The following CHRNB3 variants were observed in gnomAD, a reference collection of about 807,000 sequenced individuals.
CHRNB3 encodes the protein cholinergic receptor nicotinic beta 3 subunit.
A neutral mutation model predicts 40.6 loss-of-function variants in CHRNB3; 37 were observed. That is an observed-to-expected ratio of 0.91 (90% CI 0.70 to 1.20). CHRNB3 has a LOEUF of 1.20. Among genes scored for constraint, CHRNB3 ranks in the 50% most tolerant of loss-of-function variants. The pLI is 0.00. For missense variants in CHRNB3, 505 were observed against 551.2 expected, an observed-to-expected ratio of 0.92 and a Z score of 0.84; for synonymous variants, 207 against 207.1, an observed-to-expected ratio of 1.00 and a Z score of 0.00.
At position 42,697,420 on chromosome 8, in the gene CHRNB3, GT is replaced by G; in HGVS notation, c.-125del. ...GAGATTGTTTTATTCCACTCCAGGT[GT>G]TGCTGTCCTCTTGGGTTCCACTTCG... On this transcript the variant is annotated 5_prime_UTR_variant, in exon 1 of 6. Coordinates refer to ENST00000289957, the MANE Select transcript of CHRNB3 (RefSeq NM_000749.5). 1.4e-6 allele frequency: 1 copy of G among 734,180 alleles called. No individual in the cohort carries two copies. Among genetic ancestry groups the G allele is most frequent in the Admixed American group, 2.0e-5 (1 of 50,314 alleles). The allele number at this position is 734,180 out of a possible 1,614,324, so 45.5% of individuals were successfully genotyped here. A position where few individuals can be genotyped will look rare whatever the true frequency, so the allele number is the denominator to read the frequency against.
rs1815994462 is a variant in CHRNB3 at position 42,710,389 on chromosome 8, G to A, written c.205-1G>A. The A allele has an allele frequency of 6.2e-7, 1 of 1,600,284 alleles. No homozygotes were observed. The highest frequency in any genetic ancestry group is 8.5e-7 in the Non-Finnish European group (1 of 1,172,554). On this transcript the variant is annotated splice_acceptor_variant, in intron 2 of 5. Transcript: ENST00000289957. LOFTEE classifies it high-confidence loss of function. ...TATTTTTTAAATTTTCATTTTCTTA[G>A]GATGAAAAGAATCAGCTGATGACAA...
intron 3 of CHRNB3, chr8:42,721,867 C>A (rs1816223218): frequency 6.6e-6 from 1 of 152,146 alleles, no homozygotes; most frequent in East Asian, 1.9e-4. Flanking sequence ...GCCTGTTGTC[C>A]CTGAAAATCA....
intron 3 of CHRNB3, among the ~76,000 whole-genome samples, chr8:42,716,133 G>A (rs182033571): frequency 0.057 from 8,636 of 151,912 alleles, 325 homozygotes; most frequent in Middle Eastern, 0.11. Context: ...CGGCCACCAT[G>A]CCCAGCTAAT....
intron 3 of CHRNB3, among the ~76,000 whole-genome samples, chr8:42,727,449 C>T (rs7832104): frequency 0.057 from 8,671 of 151,622 alleles, 327 homozygotes; most frequent in Middle Eastern, 0.11. Flanking sequence ...CAGAATGGAC[C>T]CATGCACATA....
In CHRNB3 at chr8:42,697,407, T is replaced by C. The variant is rs2128903516; in HGVS notation, c.-140T>C. The C allele has an allele frequency of 1.5e-6, 1 of 669,186 alleles. No individual in the cohort carries two copies. The highest frequency in any genetic ancestry group is 1.8e-5 in the South Asian group (1 of 56,692). 41.5% of individuals were successfully genotyped at this position (669,186 alleles called of 1,614,324 possible). On this transcript the variant is annotated 5_prime_UTR_variant, in exon 1 of 6. Coordinates refer to ENST00000289957, the MANE Select transcript of CHRNB3 (RefSeq NM_000749.5). ...GGCGAGAGGGGTTGAGATTGTTTTA[T>C]TCCACTCCAGGTGTTGCTGTCCTCT...
chr8:42,715,670 T>G (rs1290092761), intron 3 of CHRNB3, among the ~76,000 whole-genome samples: 1 of 152,138 alleles, frequency 6.6e-6, no homozygotes, highest in Admixed American at 6.5e-5. Context: ...ATTTAGACAC[T>G]CTTCTTCTAT....
At chr8:42,729,032 C>A (rs960638521) in intron 3 of CHRNB3, among the ~76,000 whole-genome samples, 2 of 151,948 alleles carry the variant, frequency 1.3e-5, no homozygotes, top group Non-Finnish European at 2.9e-5. Flanking sequence ...AAAGAGAAGC[C>A]CATGAGCACC....
intron 1 of CHRNB3, among the ~76,000 whole-genome samples, chr8:42,698,351 C>T (rs989618422): frequency 6.6e-6 from 1 of 152,120 alleles, no homozygotes; most frequent in African/African-American, 2.4e-5. Flanking sequence ...AAAGTTTTCC[C>T]CCATTGAATC....
At chr8:42,697,766 T>G (rs535993544) in intron 1 of CHRNB3, among the ~76,000 whole-genome samples, 168 bp downstream of exon 1, 48 of 152,146 alleles carry the variant, frequency 3.2e-4, no homozygotes, top group African/African-American at 1.1e-3. Flanking sequence ...AGATGTGGGG[T>G]TTTTTTTGCT....
In CHRNB3 at chr8:42,736,540, C is replaced by G. The variant is rs1816527065; in HGVS notation, c.1299C>G (p.Leu433=). The G allele has an allele frequency of 6.2e-7, 1 of 1,614,198 alleles. No homozygotes were observed. Among genetic ancestry groups the G allele is most frequent in the East Asian group, 2.2e-5 (1 of 44,886 alleles). The part of the protein sequence containing the change: ...AQVLDRIFLW[L]FLIVSVTGSV... ...TTCTTGACCGAATCTTCCTGTGGCT[C>G]TTTCTGATAGTGTCAGTAACAGGCT... The change falls in exon 6 of 6, where the codon CTC becomes CTG. Residue 433 remains leucine, a synonymous_variant. Transcript: ENST00000289957.
chr8:42,708,685 T>C (rs768855751), intron 1 of CHRNB3, 32 bp from the exon 2 acceptor site: 4 of 1,609,808 alleles, frequency 2.5e-6, no homozygotes, highest in Non-Finnish European at 3.4e-6. Flanking sequence ...GCCCCTCCCA[T>C]TAACCCAGGT....
chr8:42,732,115 T>A lies in CHRNB3; in HGVS notation c.808T>A (p.Ser270Thr), dbSNP rs372103005. Residue 270 changes from serine (S) to threonine (T), a missense_variant, in exon 5 of 6, where the codon TCG becomes ACG. Transcript: ENST00000289957. ...AGGAGAAAAACTTTCATTATCCACA[T>A]CGGTCTTGGTTTCTCTGACAGTTTT... ...DEGEKLSLSTSVLVSLTVFLL... is the reference protein window; with the variant it reads ...DEGEKLSLSTTVLVSLTVFLL... 14 of 1,613,820 alleles carry A rather than the reference T, an allele frequency of 8.7e-6. No homozygotes were observed. Among genetic ancestry groups the A allele is most frequent in the African/African-American group, 2.7e-5 (2 of 74,866 alleles).
chr8:42,736,620 A>G lies in CHRNB3; in HGVS notation c.*2A>G. On this transcript the variant is annotated 3_prime_UTR_variant, in exon 6 of 6. Transcript: ENST00000289957. ...ATGTGGCTACATAGTTACCATTAGG[A>G]ATTTAAAAGACATAAGACTAAATTA... The G allele has an allele frequency of 6.2e-7, 1 of 1,614,164 alleles. No individual in the cohort carries two copies. The highest frequency in any genetic ancestry group is 1.7e-5 in the Admixed American group (1 of 60,020).
intron 3 of CHRNB3, among the ~76,000 whole-genome samples, chr8:42,729,689 G>C (rs1434357720): frequency 6.6e-6 from 1 of 152,068 alleles, no homozygotes. Flanking sequence ...GTCATGCTGG[G>C]CATGCCCTTC....
At chr8:42,713,741 A>C (rs1275585603) in intron 3 of CHRNB3, among the ~76,000 whole-genome samples, 1 of 152,216 alleles carries the variant, frequency 6.6e-6, no homozygotes, top group Non-Finnish European at 1.5e-5. Context: ...TTTAATTCAC[A>C]AATGCATAAA....
Position 42,736,619 on chromosome 8 carries a change from G to A in CHRNB3, c.*1G>A, listed in dbSNP as rs753715958. 6.2e-7 allele frequency: 1 copy of A among 1,614,092 alleles called. No individual in the cohort carries two copies. The highest frequency in any genetic ancestry group is 1.7e-5 in the Admixed American group (1 of 60,010). On this transcript the variant is annotated 3_prime_UTR_variant, in exon 6 of 6. Transcript: ENST00000289957. Reference sequence around the variant, plus strand: ...GATGTGGCTACATAGTTACCATTAGGAATTTAAAAGACATAAGACTAAATT... The same window carrying A: ...GATGTGGCTACATAGTTACCATTAGAAATTTAAAAGACATAAGACTAAATT...
chr8:42,703,435 A>AAAAAAAAATATATATATATATATAT lies in CHRNB3; in HGVS notation c.53-5281_53-5280insAAAAAAATATATATATATATATATA. On this transcript the variant is annotated intron_variant, in intron 1 of 5. Transcript: ENST00000289957. ...CAAGACTTCGTCTAAAAAAAAAAAA[A>AAAAAAAAATATATATATATATATAT]ATATTTATATATATATATATATATA... is the stretch of plus-strand genomic sequence containing the variant. Among the ~76,000 whole-genome samples the AAAAAAAAATATATATATATATATAT allele has an allele frequency of 4.4e-3, 206 of 47,248 alleles. 26 individuals are homozygous for AAAAAAAAATATATATATATATATAT. The highest frequency in any genetic ancestry group is 0.01 in the Middle Eastern group (1 of 96). The allele number at this position is 47,248 out of a possible 152,430, so 31.0% of individuals were successfully genotyped here.
chr8:42,720,111 C>CTTTTTT lies in CHRNB3; in HGVS notation c.249+9706_249+9711dup, dbSNP rs869178430. Among the ~76,000 whole-genome samples, 406 of 48,800 alleles carry CTTTTTT rather than the reference C, an allele frequency of 8.3e-3. 65 individuals carry two copies. Among genetic ancestry groups the CTTTTTT allele is most frequent in the African/African-American group, 0.016 (181 of 11,214 alleles). 32.0% of individuals were successfully genotyped at this position (48,800 alleles called of 152,430 possible). A position where few individuals can be genotyped will look rare whatever the true frequency, so the allele number is the denominator to read the frequency against. On this transcript the variant is annotated intron_variant, in intron 3 of 5. Coordinates refer to ENST00000289957, the MANE Select transcript of CHRNB3 (RefSeq NM_000749.5). ...CAACCCTGCCCCACTCAGAAGCCTT[C>CTTTTTT]TTTTTTTTTTTTTTTTTTTTTTTTT...
intron 1 of CHRNB3, among the ~76,000 whole-genome samples, chr8:42,707,591 A>T (rs1815940347): frequency 6.6e-6 from 1 of 152,114 alleles, no homozygotes; most frequent in Non-Finnish European, 1.5e-5. Flanking sequence ...TTTAAATGTG[A>T]TAGCACGGCA....
Sources: gnomAD v4.1 joint callset for allele counts (sites outside exome capture counted in the v4.1 genomes callset) on GRCh38, gnomAD v4.1.1 for gene constraint, MANE v1.5 for transcripts, NCBI Gene and HGNC (gene_info 2026-07-23, HGNC 2026-07-21) for gene names.